The following ASIC2 variants were observed in gnomAD, a reference collection of about 807,000 sequenced individuals.
ASIC2 encodes acid-sensing ion channel 2.
Under a neutral mutation model 57.3 loss-of-function variants are expected in ASIC2, and 25 were observed. The ratio of observed to expected loss-of-function variants is 0.44; its 90% CI spans 0.32 to 0.61. ASIC2 has a LOEUF of 0.61. Ranked by LOEUF, ASIC2 falls within the 20% of genes least tolerant of loss-of-function variation. The probability of loss-of-function intolerance (pLI) is 0.06; values close to 1 mark genes in which losing one functional copy is unlikely to be tolerated. For missense variants in ASIC2, 641 were observed against 738.1 expected (o/e 0.87, Z 1.52); for synonymous variants, 319 against 307.5 (o/e 1.04, Z -0.39).
chr17:33,859,466 A>G (rs986387023), intron 1 of ASIC2, among the ~76,000 whole-genome samples: 8 of 152,216 alleles, frequency 5.3e-5, no homozygotes, highest in Non-Finnish European at 8.8e-5. Context: ...ACAAGAAAGA[A>G]ACCCAAGCTC....
At chr17:33,034,188 T>C (rs1332666637) in intron 3 of ASIC2, among the ~76,000 whole-genome samples, 1 of 152,224 alleles carries the variant, frequency 6.6e-6, no homozygotes, top group Non-Finnish European at 1.5e-5. Context: ...TCCTCCTTCT[T>C]CTTTTTCTTC....
chr17:33,821,190 T>C (rs906441307), intron 1 of ASIC2, among the ~76,000 whole-genome samples: 2 of 152,218 alleles, frequency 1.3e-5, no homozygotes, highest in African/African-American at 4.8e-5. Context: ...CATCTTAACA[T>C]TGGCCCTTTA....
At chr17:33,152,113 T>C (rs1445070011) in intron 1 of ASIC2, among the ~76,000 whole-genome samples, 1 of 152,178 alleles carries the variant, frequency 6.6e-6, no homozygotes, top group East Asian at 1.9e-4. Flanking sequence ...AAAACAATCC[T>C]GTGGAGTAGA....
chr17:33,609,835 CAAG>C (rs762078660), intron 1 of ASIC2, among the ~76,000 whole-genome samples: 52 of 151,262 alleles, frequency 3.4e-4, no homozygotes, highest in South Asian at 1.3e-3. Flanking sequence ...GTAGGAAAAG[CAAG>C]AAGGATAAGA....
intron 1 of ASIC2, among the ~76,000 whole-genome samples, chr17:33,472,443 C>G (rs1187049621): frequency 6.6e-6 from 1 of 152,192 alleles, no homozygotes; most frequent in South Asian, 2.1e-4. Context: ...CACCATCTTA[C>G]AGGGGAGGAT....
chr17:34,057,658 G>A (rs1908818452), intron 1 of ASIC2, among the ~76,000 whole-genome samples: 4 of 152,212 alleles, frequency 2.6e-5, no homozygotes, highest in Admixed American at 2.6e-4. Flanking sequence ...TAAGGAAAAA[G>A]AGGGCGAGGC....
intron 1 of ASIC2, among the ~76,000 whole-genome samples, chr17:33,858,047 T>G (rs1914008531): frequency 6.6e-6 from 1 of 152,190 alleles, no homozygotes; most frequent in Non-Finnish European, 1.5e-5. Context: ...TGAGTTCTTC[T>G]GGGAGAACTC....
Position 34,115,871 on chromosome 17 carries a change from G to C in ASIC2, c.555+40107C>G, listed in dbSNP as rs553212284. On this transcript the variant is annotated intron_variant, in intron 1 of 9. Transcript: ENST00000359872. ...CGCAAGAGTACATATAACTACATAAGTGAAAATGTGTTCCAAACACATATA... is the reference window on the plus strand; with the variant it reads ...CGCAAGAGTACATATAACTACATAACTGAAAATGTGTTCCAAACACATATA... 2.6e-5 allele frequency among the ~76,000 whole-genome samples: 4 copies of C among 152,306 alleles called. No homozygotes were observed. In the East Asian group the frequency reaches 7.7e-4, roughly 29 times the overall value.
At chr17:34,020,911 G>C (rs1907136150) in intron 1 of ASIC2, among the ~76,000 whole-genome samples, 1 of 152,060 alleles carries the variant, frequency 6.6e-6, no homozygotes, top group Non-Finnish European at 1.5e-5. Flanking sequence ...ATGGTGATTG[G>C]TTATATAACA....
chr17:34,082,930 G>A (rs1213206929), intron 1 of ASIC2, among the ~76,000 whole-genome samples: 1 of 152,134 alleles, frequency 6.6e-6, no homozygotes, highest in African/African-American at 2.4e-5. Context: ...TTTGAATGCA[G>A]GAGCATAAGG....
At chr17:33,775,930 C>T (rs1181833116) in intron 1 of ASIC2, among the ~76,000 whole-genome samples, 1 of 151,958 alleles carries the variant, frequency 6.6e-6, no homozygotes, top group South Asian at 2.1e-4. Context: ...GTCAGGAGTT[C>T]GAGACCAGCT....
chr17:33,392,170 TCTTCCTTCCTTCCTTCCTTCCTTCCCTC>T (rs1380710475), intron 1 of ASIC2, among the ~76,000 whole-genome samples: 2,384 of 128,940 alleles, frequency 0.018, 54 homozygotes, highest in African/African-American at 0.033. Flanking sequence ...TCTTTTCCTT[TCTTCCTTCCTTCCTTCCTTCCTTCCCTC>T]CTTCCTTCCT....
At chr17:34,109,263 A>G (rs1312288828) in intron 1 of ASIC2, among the ~76,000 whole-genome samples, 4 of 152,172 alleles carry the variant, frequency 2.6e-5, no homozygotes, top group African/African-American at 7.2e-5. Flanking sequence ...CGATACGTAT[A>G]GCTCTAGTTC....
chr17:33,965,973 C>A (rs1285292558), intron 1 of ASIC2, among the ~76,000 whole-genome samples: 1 of 152,234 alleles, frequency 6.6e-6, no homozygotes, highest in Non-Finnish European at 1.5e-5. Flanking sequence ...CTCTCCTCCT[C>A]CTCTGCAATG....
intron 1 of ASIC2, among the ~76,000 whole-genome samples, chr17:33,113,740 G>A (rs1019200624): frequency 3.9e-5 from 6 of 152,200 alleles, no homozygotes; most frequent in African/African-American, 1.2e-4. Context: ...AACTGTGACC[G>A]TTGGCAGTTA....
At chr17:33,273,822 G>A (rs57867774) in intron 1 of ASIC2, among the ~76,000 whole-genome samples, 50,592 of 151,424 alleles carry the variant, frequency 0.33, 8,566 homozygotes, top group Admixed American at 0.41. Context: ...GGGGGCCGGA[G>A]AGGGGCAGGA....
At chr17:33,274,399 C>T (rs1290496891) in intron 1 of ASIC2, among the ~76,000 whole-genome samples, 1 of 152,228 alleles carries the variant, frequency 6.6e-6, no homozygotes, top group Non-Finnish European at 1.5e-5. Flanking sequence ...GTGAAGTCTC[C>T]TGTCTCCTAG....
chr17:33,555,429 C>T (rs1915878911), intron 1 of ASIC2, among the ~76,000 whole-genome samples: 1 of 151,664 alleles, frequency 6.6e-6, no homozygotes. Flanking sequence ...TGAGACCCCC[C>T]AGCAACATGT....
chr17:34,084,492 T>TTC (rs1910020917), intron 1 of ASIC2, among the ~76,000 whole-genome samples: 1 of 152,212 alleles, frequency 6.6e-6, no homozygotes, highest in Admixed American at 6.5e-5. Context: ...GCCTCCAGCT[T>TTC]TCTTTTGGCT....
Sources: gnomAD v4.1 joint callset for allele counts (sites outside exome capture counted in the v4.1 genomes callset) on GRCh38, gnomAD v4.1.1 for gene constraint, MANE v1.5 for transcripts, NCBI Gene and HGNC (gene_info 2026-07-23, HGNC 2026-07-21) for gene names.